Variants in AGTPBP1 observed in about 807,000 individuals in gnomAD.
The protein encoded by AGTPBP1 is ATP/GTP binding carboxypeptidase 1.
In AGTPBP1, 70 loss-of-function variants were observed where a neutral mutation model predicts 143.9. The observed-to-expected ratio is 0.49, with a 90% CI of 0.40 to 0.59. AGTPBP1 has a LOEUF of 0.59. Ranked by LOEUF, AGTPBP1 falls within the 20% of genes least tolerant of loss-of-function variation. AGTPBP1 has a pLI of 0.00. For synonymous variants in AGTPBP1, 463 were observed against 500.2 expected (o/e 0.93, Z 0.99); for missense variants, 1,229 against 1,464.5 (o/e 0.84, Z 2.62).
chr9:85,657,311 A>G, intron 10 of AGTPBP1, 124 bp downstream of exon 10: 1 of 887,532 alleles, frequency 1.1e-6, no homozygotes, highest in Admixed American at 3.1e-5. Flanking sequence ...TACTTTTAAG[A>G]TTTTCGAAAA....
At chr9:85,642,523 G>C (rs1431623184) in intron 13 of AGTPBP1, among the ~76,000 whole-genome samples, 1 of 151,442 alleles carries the variant, frequency 6.6e-6, no homozygotes, top group Non-Finnish European at 1.5e-5. Flanking sequence ...TAGTAGTGAC[G>C]GGGTTTCACT....
chr9:85,673,662 G>C (rs1834632866), intron 6 of AGTPBP1, among the ~76,000 whole-genome samples: 1 of 152,088 alleles, frequency 6.6e-6, no homozygotes, highest in Admixed American at 6.6e-5. Flanking sequence ...AAAAGTGGCA[G>C]GGTGGGTGAG....
At chr9:85,562,700 T>C (rs987154587) in intron 25 of AGTPBP1, among the ~76,000 whole-genome samples, 20 of 152,250 alleles carry the variant, frequency 1.3e-4, no homozygotes, top group African/African-American at 4.8e-4. Context: ...TTTGAATAAG[T>C]CTCTTACCTT....
Position 85,568,606 on chromosome 9 carries a change from G to A in AGTPBP1, c.3503+6709C>T, listed in dbSNP as rs139175310. 5.0e-3 allele frequency among the ~76,000 whole-genome samples: 757 copies of A among 152,286 alleles called. 5 individuals carry two copies. The highest frequency in any genetic ancestry group is 0.017 in the African/African-American group (725 of 41,568). ...ACGAGTGACTAGTGCATGCAAAGAA[G>A]CTGGAGGATACCAGAAGTAAAGTAC... On this transcript the variant is annotated intron_variant, in intron 25 of 25. Coordinates refer to ENST00000357081, the MANE Select transcript of AGTPBP1 (RefSeq NM_001330701.2).
the AGTPBP1 span, chr9:85,791,366 T>TC: frequency 6.8e-6 from 1 of 146,248 alleles, no homozygotes; most frequent in Non-Finnish European, 1.5e-5. Context: ...AGAGGGAGAC[T>TC]CCGTCTCAAA....
intron 25 of AGTPBP1, among the ~76,000 whole-genome samples, chr9:85,572,004 GTTTTTTTTTTTTTTTTTTTTT>G (rs55882437): frequency 5.1e-4 from 22 of 43,496 alleles, no homozygotes; most frequent in Middle Eastern, 0.02. Context: ...GTTTGTGTGT[GTTTTTTTTTTTTTTTTTTTTT>G]TTTTTTTTTT....
chr9:85,689,786 C>T (rs1250897149), intron 3 of AGTPBP1, among the ~76,000 whole-genome samples: 1 of 149,502 alleles, frequency 6.7e-6, no homozygotes, highest in African/African-American at 2.5e-5. Context: ...ATCCCAGCTA[C>T]TCGGGGGGCT....
intron 17 of AGTPBP1, among the ~76,000 whole-genome samples, chr9:85,605,035 A>C (rs1326674966): frequency 3.3e-5 from 5 of 152,224 alleles, no homozygotes; most frequent in Non-Finnish European, 5.9e-5. Context: ...TTGGCCTTAA[A>C]GAGGAGATAG....
At chr9:85,800,282 C>G in the AGTPBP1 span, among the ~76,000 whole-genome samples, 1 of 152,190 alleles carries the variant, frequency 6.6e-6, no homozygotes, top group African/African-American at 2.4e-5. Context: ...CTTTAGAAAA[C>G]ATTCACAGTG....
At chr9:85,788,255 T>A in the AGTPBP1 span, among the ~76,000 whole-genome samples, 2 of 151,750 alleles carry the variant, frequency 1.3e-5, no homozygotes, top group Non-Finnish European at 2.9e-5. Context: ...CCAGAGACTG[T>A]TTGAAGTCAG....
chr9:85,671,202 C>T (rs1013731360), intron 7 of AGTPBP1, among the ~76,000 whole-genome samples: 3 of 152,104 alleles, frequency 2.0e-5, no homozygotes, highest in South Asian at 4.1e-4. Context: ...TCTGCCTAGC[C>T]TCTGAAGTGC....
intron 17 of AGTPBP1, among the ~76,000 whole-genome samples, chr9:85,604,727 G>C (rs1829887935): frequency 6.6e-6 from 1 of 152,138 alleles, no homozygotes; most frequent in African/African-American, 2.4e-5. Context: ...CAGTGAAATT[G>C]AAGAGAACAG....
chr9:85,725,371 C>T (rs1219018476), intron 1 of AGTPBP1, among the ~76,000 whole-genome samples: 1 of 152,066 alleles, frequency 6.6e-6, no homozygotes, highest in Admixed American at 6.6e-5. Flanking sequence ...AAATGAACAA[C>T]CTCATTAACA....
Position 85,655,310 on chromosome 9 carries a change from G to A in AGTPBP1, c.920C>T (p.Ala307Val), listed in dbSNP as rs1325789798. Residue 307 changes from alanine to valine, a missense_variant, in exon 11 of 26, where the codon GCA (alanine) becomes GTA (valine). By Grantham distance (64) the Ala-to-Val change is moderately conservative (BLOSUM62 0). Transcript: ENST00000357081. Reference protein sequence around the residue: ...ILYNTSQECLAVRTLDPLVNT... With the variant: ...ILYNTSQECLVVRTLDPLVNT... ...GACAAGAGGATCCAGAGTCCTGACT[G>A]CCAGACATTCCTGTTTTTTAAAAAA... The A allele has an allele frequency of 6.6e-7, 1 of 1,517,846 alleles. No homozygotes were observed. Among genetic ancestry groups the A allele is most frequent in the East Asian group, 2.5e-5 (1 of 39,828 alleles). The allele number at this position is 1,517,846 out of a possible 1,614,324, so 94.0% of individuals were successfully genotyped here. A position where few individuals can be genotyped will look rare whatever the true frequency, so the allele number is the denominator to read the frequency against.
At chr9:85,604,005 T>C (rs915546233) in intron 17 of AGTPBP1, among the ~76,000 whole-genome samples, 1 of 152,194 alleles carries the variant, frequency 6.6e-6, no homozygotes, top group African/African-American at 2.4e-5. Flanking sequence ...CATTCCCGAC[T>C]CTAGGCCCTG....
upstream of AGTPBP1, among the ~76,000 whole-genome samples, chr9:85,745,784 T>A (rs931863886): frequency 2.6e-5 from 4 of 152,038 alleles, no homozygotes; most frequent in African/African-American, 9.7e-5. Flanking sequence ...GATCAATTGG[T>A]GATATAGGAG....
chr9:85,569,887 T>C (rs1481599649), intron 25 of AGTPBP1, among the ~76,000 whole-genome samples: 1 of 152,220 alleles, frequency 6.6e-6, no homozygotes, highest in East Asian at 1.9e-4. Context: ...CTATTTCCTC[T>C]TCTATAAAAT....
intron 11 of AGTPBP1, among the ~76,000 whole-genome samples, chr9:85,654,854 T>A (rs1200227636): frequency 1.3e-5 from 2 of 151,244 alleles, no homozygotes; most frequent in Admixed American, 6.6e-5. Context: ...AAAAAAAAAA[T>A]TAAAACAAAA....
intron 23 of AGTPBP1, among the ~76,000 whole-genome samples, chr9:85,580,637 A>C (rs149549459): frequency 5.3e-4 from 80 of 152,346 alleles, no homozygotes; most frequent in Admixed American, 4.4e-3. Context: ...TGATAGTACA[A>C]TGTAATAAGG....
Sources: gnomAD v4.1 joint callset for allele counts (sites outside exome capture counted in the v4.1 genomes callset) on GRCh38, gnomAD v4.1.1 for gene constraint, MANE v1.5 for transcripts, NCBI Gene and HGNC (gene_info 2026-07-23, HGNC 2026-07-21) for gene names.